The following SH3PXD2B variants were observed in gnomAD, a reference collection of about 807,000 sequenced individuals.
The protein encoded by SH3PXD2B is SH3 and PX domain-containing protein 2B.
A neutral mutation model predicts 73.1 loss-of-function variants in SH3PXD2B; 37 were observed. The observed-to-expected ratio is 0.51, with a 90% CI of 0.39 to 0.67. SH3PXD2B has a LOEUF of 0.67. SH3PXD2B is among the 30% of genes least tolerant of loss of function. SH3PXD2B has a pLI of 0.00. For synonymous variants in SH3PXD2B, 457 were observed against 480.5 expected, an observed-to-expected ratio of 0.95 and a Z score of 0.64; for missense variants, 1,053 against 1,197.8, an observed-to-expected ratio of 0.88 and a Z score of 1.78.
intron 5 of SH3PXD2B, among the ~76,000 whole-genome samples, chr5:172,381,451 T>TA (rs1320867169): frequency 6.6e-6 from 1 of 152,170 alleles, no homozygotes; most frequent in Non-Finnish European, 1.5e-5. Flanking sequence ...CAGGCGGTGC[T>TA]AGAGTTTTAT....
chr5:172,391,043 T>G (rs1758179443), intron 4 of SH3PXD2B, among the ~76,000 whole-genome samples: 1 of 151,896 alleles, frequency 6.6e-6, no homozygotes, highest in Non-Finnish European at 1.5e-5. Flanking sequence ...GTTTCTCCAT[T>G]TTGGTCAGGC....
chr5:172,420,748 A>G (rs1758945779), intron 2 of SH3PXD2B, among the ~76,000 whole-genome samples: 1 of 152,208 alleles, frequency 6.6e-6, no homozygotes, highest in East Asian at 1.9e-4. Flanking sequence ...AGTTGAGCCT[A>G]TGACACACAA....
intron 5 of SH3PXD2B, among the ~76,000 whole-genome samples, chr5:172,380,668 GATT>G (rs1235453951): frequency 6.6e-6 from 1 of 152,194 alleles, no homozygotes; most frequent in East Asian, 1.9e-4. Flanking sequence ...GTATCTTTAT[GATT>G]ATTTTCAAAT....
intron 10 of SH3PXD2B, 92 bp downstream of exon 10, chr5:172,350,271 C>A: frequency 7.8e-7 from 1 of 1,278,124 alleles, no homozygotes. Flanking sequence ...AGCTGGGCTG[C>A]TGTGAGGATG....
At chr5:172,325,690 C>T (rs957701027) in intron 12 of SH3PXD2B, among the ~76,000 whole-genome samples, 3 of 152,308 alleles carry the variant, frequency 2.0e-5, no homozygotes, top group East Asian at 1.9e-4. Flanking sequence ...AGCCCCTTTA[C>T]GAGGGCAACT....
chr5:172,381,589 G>GGATGAAAT (rs1757947362), intron 5 of SH3PXD2B, among the ~76,000 whole-genome samples: 1 of 152,174 alleles, frequency 6.6e-6, no homozygotes, highest in African/African-American at 2.4e-5. Context: ...GAGCTTCGGA[G>GGATGAAAT]CCTGGCTGGT....
chr5:172,414,039 G>T (rs1758760453), intron 2 of SH3PXD2B, among the ~76,000 whole-genome samples: 1 of 152,214 alleles, frequency 6.6e-6, no homozygotes, highest in Admixed American at 6.5e-5. Context: ...CCTCAGAAAA[G>T]CTGGAAGAAA....
intron 1 of SH3PXD2B, among the ~76,000 whole-genome samples, chr5:172,425,645 G>A (rs770964745): frequency 4.6e-5 from 7 of 152,076 alleles, no homozygotes; most frequent in Non-Finnish European, 7.3e-5. Context: ...GGCAGCAGCT[G>A]ATGACGAGGG....
At position 172,445,910 on chromosome 5, in the gene SH3PXD2B, C is replaced by T. The variant is rs1461662702; in HGVS notation, c.75+8368G>A. Among the ~76,000 whole-genome samples the T allele has an allele frequency of 2.0e-5, 3 of 152,196 alleles. No individual in the cohort carries two copies. Among genetic ancestry groups the T allele is most frequent in the Non-Finnish European group, 4.4e-5 (3 of 68,032 alleles). ...GCAGTTTGGAGAATGGGGCAGAGGC[C>T]GATGGCTTGTGGCGGAGCTCAGGTC... On this transcript the variant is annotated intron_variant, in intron 1 of 12. Coordinates refer to ENST00000311601, the MANE Select transcript of SH3PXD2B (RefSeq NM_001017995.3). The surrounding 1 kb of genome is among the most constrained non-coding windows in gnomAD (Gnocchi z 5.2).
intron 12 of SH3PXD2B, among the ~76,000 whole-genome samples, chr5:172,328,022 T>C (rs866344439): frequency 1.6e-4 from 24 of 151,126 alleles, no homozygotes; most frequent in Middle Eastern, 3.5e-3. Flanking sequence ...CCCAAAGTGC[T>C]GGGATTATAG....
chr5:172,394,577 C>A lies in SH3PXD2B; in HGVS notation c.295G>T (p.Asp99Tyr). 1.2e-6 allele frequency: 2 copies of A among 1,614,114 alleles called. No individual in the cohort carries two copies. The highest frequency in any genetic ancestry group is 1.7e-6 in the Non-Finnish European group (2 of 1,180,010). ...CTCAGCCTTACCTTACAGTATTCAT[C>A]AATTGGTATCAGGCGTTTGACAGCC... ...DVAVKRLIPI[D>Y]EYCKALIQLP... The change falls in exon 4 of 13, where the codon GAT (aspartate) becomes TAT (tyrosine). Residue 99 changes from aspartate to tyrosine, a missense_variant. By Grantham distance (160) the Asp-to-Tyr change is radical. This residue lies in a region of SH3PXD2B where 466 missense variants were observed against 607.1 expected (regional missense o/e 0.77). Transcript: ENST00000311601.
chr5:172,343,646 C>G (rs1756909108), intron 12 of SH3PXD2B, among the ~76,000 whole-genome samples: 3 of 150,676 alleles, frequency 2.0e-5, no homozygotes, highest in Non-Finnish European at 3.0e-5. Context: ...ACTAAAAATA[C>G]AAAAAAAAAT....
chr5:172,384,540 C>T (rs2113378303), intron 4 of SH3PXD2B, among the ~76,000 whole-genome samples: 1 of 152,078 alleles, frequency 6.6e-6, no homozygotes, highest in South Asian at 2.1e-4. Flanking sequence ...CCCCAGCAAC[C>T]ACCATTCTAC....
chr5:172,330,020 C>T (rs894008510), downstream of SH3PXD2B, among the ~76,000 whole-genome samples: 2 of 152,144 alleles, frequency 1.3e-5, no homozygotes, highest in Non-Finnish European at 2.9e-5. Flanking sequence ...GGTTGTGTTT[C>T]CCTTATCCAA....
chr5:172,428,140 A>G (rs1413689191), intron 1 of SH3PXD2B, among the ~76,000 whole-genome samples: 1 of 152,218 alleles, frequency 6.6e-6, no homozygotes, highest in Non-Finnish European at 1.5e-5. Context: ...TGTGCCCTGG[A>G]AATGACTAAA....
At chr5:172,349,589 A>G (rs925776745) in intron 10 of SH3PXD2B, among the ~76,000 whole-genome samples, 1 of 152,230 alleles carries the variant, frequency 6.6e-6, no homozygotes, top group Non-Finnish European at 1.5e-5. Flanking sequence ...ATGGAGCAAT[A>G]GAGAGCACAG....
At chr5:172,365,445 A>G (rs1757492878) in intron 6 of SH3PXD2B, among the ~76,000 whole-genome samples, 1 of 152,208 alleles carries the variant, frequency 6.6e-6, no homozygotes, top group East Asian at 1.9e-4. Flanking sequence ...GACAGTGAGA[A>G]AAGATAAGAT....
At chr5:172,364,968 G>T (rs1365294497) in intron 6 of SH3PXD2B, among the ~76,000 whole-genome samples, 1 of 152,194 alleles carries the variant, frequency 6.6e-6, no homozygotes, top group Non-Finnish European at 1.5e-5. Flanking sequence ...GAACCATGAG[G>T]TCTGGATTTT....
chr5:172,334,924 G>A lies in SH3PXD2B; in HGVS notation c.*3445C>T. On this transcript the variant is annotated 3_prime_UTR_variant, in exon 13 of 13. Coordinates refer to ENST00000311601, the MANE Select transcript of SH3PXD2B (RefSeq NM_001017995.3). ...CATTGACTTGGAAATTGATTCTATG[G>A]CGTGGCCTTGTGGCAGAGGTTTAAA... is the stretch of plus-strand genomic sequence containing the variant. 1 of 985,396 alleles carries A rather than the reference G, an allele frequency of 1.0e-6. No individual in the cohort carries two copies. The highest frequency in any genetic ancestry group is 1.2e-6 in the Non-Finnish European group (1 of 829,942). 61.0% of individuals were successfully genotyped at this position (985,396 alleles called of 1,614,324 possible).
Sources: allele counts gnomAD v4.1 joint callset (sites outside exome capture counted in the v4.1 genomes callset), GRCh38; gene constraint gnomAD v4.1.1; regional missense constraint gnomAD v4.1.1; non-coding constraint Gnocchi (gnomAD v3.1); transcripts MANE v1.5; gene names NCBI Gene and HGNC (gene_info 2026-07-23, HGNC 2026-07-21).